The following GAB1 variants were observed in gnomAD, a reference collection of about 807,000 sequenced individuals.
GAB1 encodes GRB2-associated-binding protein 1.
A neutral mutation model predicts 66.5 loss-of-function variants in GAB1; 19 were observed. The observed-to-expected ratio is 0.29, with a 90% CI of 0.20 to 0.42. GAB1 has a LOEUF of 0.42. GAB1 is among the 10% of genes least tolerant of loss of function. The pLI is 1.00. For synonymous variants in GAB1, 294 were observed against 301.4 expected (o/e 0.98, Z 0.25); for missense variants, 732 against 858.5 (o/e 0.85, Z 1.84).
intron 1 of GAB1, among the ~76,000 whole-genome samples, chr4:143,364,073 A>G (rs1314478395): frequency 6.6e-6 from 1 of 152,034 alleles, no homozygotes; most frequent in Non-Finnish European, 1.5e-5. Flanking sequence ...CTGTAATCCC[A>G]GCTGCTTGGG....
At position 143,439,730 on chromosome 4, in the gene GAB1, A is replaced by G. The variant is rs535483123; in HGVS notation, c.1196-72A>G. 27 of 980,700 alleles carry G rather than the reference A, an allele frequency of 2.8e-5. No homozygotes were observed. In the South Asian group the frequency reaches 3.4e-4, roughly 12 times the overall value. 60.7% of individuals were successfully genotyped at this position (980,700 alleles called of 1,614,324 possible). A position where few individuals can be genotyped will look rare whatever the true frequency, so the allele number is the denominator to read the frequency against. ...GCATATGTATAATGAGAGAAAGATA[A>G]TAGGTCATCCCAATGACCCTGAGAG... is the stretch of plus-strand genomic sequence containing the variant. On this transcript the variant is annotated intron_variant, in intron 4 of 9. Coordinates refer to ENST00000262994, the MANE Select transcript of GAB1 (RefSeq NM_002039.4).
At chr4:143,387,336 G>GT (rs1730965936) in intron 1 of GAB1, among the ~76,000 whole-genome samples, 3 of 152,272 alleles carry the variant, frequency 2.0e-5, no homozygotes, top group Non-Finnish European at 4.4e-5. Context: ...TCTCCATGTT[G>GT]GTCAGGCTGG....
chr4:143,386,456 T>C (rs772618525), intron 1 of GAB1, among the ~76,000 whole-genome samples: 1 of 152,166 alleles, frequency 6.6e-6, no homozygotes, highest in Non-Finnish European at 1.5e-5. Flanking sequence ...GGTGTGATCA[T>C]GGTTCACTGT....
At chr4:143,420,075 T>C (rs1732934279) in intron 2 of GAB1, among the ~76,000 whole-genome samples, 1 of 152,062 alleles carries the variant, frequency 6.6e-6, no homozygotes, top group African/African-American at 2.4e-5. Context: ...TGACTACCTG[T>C]TTTATATTCT....
intron 1 of GAB1, among the ~76,000 whole-genome samples, chr4:143,414,218 C>T (rs966352590): frequency 6.6e-6 from 1 of 152,110 alleles, no homozygotes; most frequent in African/African-American, 2.4e-5. Context: ...AAATAGGCCT[C>T]TTTTCTGTCT....
At chr4:143,387,640 ACC>A (rs1447388587) in intron 1 of GAB1, among the ~76,000 whole-genome samples, 1 of 152,066 alleles carries the variant, frequency 6.6e-6, no homozygotes. Context: ...CAGCAGTGCC[ACC>A]CCTGTAGGTC....
chr4:143,461,362 C>G (rs937298803), intron 8 of GAB1, among the ~76,000 whole-genome samples: 2 of 152,176 alleles, frequency 1.3e-5, no homozygotes, highest in African/African-American at 2.4e-5. Flanking sequence ...TGTGGCAGCT[C>G]TGTTCCATAG....
At chr4:143,358,908 G>A (rs907655338) in intron 1 of GAB1, among the ~76,000 whole-genome samples, 3 of 152,338 alleles carry the variant, frequency 2.0e-5, no homozygotes, top group African/African-American at 4.8e-5. Flanking sequence ...TGAAGAGAAA[G>A]TGAATGAAGA....
chr4:143,434,103 T>C, intron 3 of GAB1: 1 of 1,294,522 alleles, frequency 7.7e-7, no homozygotes, highest in Non-Finnish European at 1.0e-6. Flanking sequence ...GGTCATCTTT[T>C]GTTTCTGAAG....
chr4:143,395,629 T>C (rs1008266423), intron 1 of GAB1: 39 of 277,840 alleles, frequency 1.4e-4, no homozygotes, highest in South Asian at 1.1e-3. Flanking sequence ...TAGTTGTAAC[T>C]CTCCCTAAAA....
At chr4:143,399,253 C>G (rs1255787323) in intron 1 of GAB1, among the ~76,000 whole-genome samples, 3 of 152,166 alleles carry the variant, frequency 2.0e-5, no homozygotes, top group Non-Finnish European at 4.4e-5. Context: ...AAGCAATATA[C>G]TACCTAGATG....
At chr4:143,386,550 A>G (rs148764518) in intron 1 of GAB1, among the ~76,000 whole-genome samples, 66 of 152,082 alleles carry the variant, frequency 4.3e-4, no homozygotes, top group African/African-American at 1.5e-3. Context: ...ACCATGCCCA[A>G]CTAATTTTTT....
chr4:143,363,786 GCTCTGGTGGTCCTT>G (rs1729759188), intron 1 of GAB1, among the ~76,000 whole-genome samples: 1 of 152,126 alleles, frequency 6.6e-6, no homozygotes, highest in Non-Finnish European at 1.5e-5. Flanking sequence ...TGCTGCCTTT[GCTCTGGTGGTCCTT>G]GGGGCCACAC....
intron 1 of GAB1, among the ~76,000 whole-genome samples, chr4:143,381,626 G>C (rs1455615892): frequency 6.6e-6 from 1 of 152,182 alleles, no homozygotes; most frequent in Non-Finnish European, 1.5e-5. Flanking sequence ...GCTTAGAACA[G>C]TCCCTGGGAG....
At chr4:143,388,540 G>A (rs1039829639) in intron 1 of GAB1, among the ~76,000 whole-genome samples, 9 of 152,124 alleles carry the variant, frequency 5.9e-5, no homozygotes, top group African/African-American at 1.9e-4. Flanking sequence ...TCAGCTTCCC[G>A]AGTAGCTGGC....
chr4:143,342,543 C>CTTTTTTTTTTT (rs5862632), intron 1 of GAB1, among the ~76,000 whole-genome samples: 1 of 62,494 alleles, frequency 1.6e-5, no homozygotes, highest in African/African-American at 6.3e-5. Flanking sequence ...GTGATAGATT[C>CTTTTTTTTTTT]TTTTTTTTTT....
intron 1 of GAB1, among the ~76,000 whole-genome samples, chr4:143,404,125 G>A (rs1406922213): frequency 6.6e-6 from 1 of 152,180 alleles, no homozygotes; most frequent in East Asian, 1.9e-4. Context: ...AAATGGGAAT[G>A]TTTTGTTTTG....
chr4:143,393,379 C>A (rs1273948162), intron 1 of GAB1, among the ~76,000 whole-genome samples: 3 of 152,124 alleles, frequency 2.0e-5, no homozygotes, highest in Admixed American at 2.0e-4. Flanking sequence ...GTTAAGGGCA[C>A]AGGCTCTGGG....
At position 143,438,138 on chromosome 4, in the gene GAB1, CCACCTT is replaced by C. The variant is rs1560769915; in HGVS notation, c.737_742del (p.Pro246_Ser247del). 1 of 1,614,056 alleles carries C rather than the reference CCACCTT, an allele frequency of 6.2e-7. No homozygotes were observed. The highest frequency in any genetic ancestry group is 1.1e-5 in the South Asian group (1 of 91,080). ...TCAGCAGCAAATGATATACGACTCTCCACCTTCACGTGCCCCATCTGCTTCAGTTGA... is the reference window on the plus strand; with the variant it reads ...TCAGCAGCAAATGATATACGACTCTCCACGTGCCCCATCTGCTTCAGTTGA... On this transcript the variant is annotated inframe_deletion, in exon 4 of 10. Transcript: ENST00000262994.
Sources: allele counts gnomAD v4.1 joint callset (sites outside exome capture counted in the v4.1 genomes callset), GRCh38; gene constraint gnomAD v4.1.1; transcripts MANE v1.5; gene names NCBI Gene and HGNC (gene_info 2026-07-23, HGNC 2026-07-21).